C1orf198: variants seen among roughly 807,000 people sequenced by gnomAD.
The protein encoded by C1orf198 is chromosome 1 open reading frame 198.
Under a neutral mutation model 31.4 loss-of-function variants are expected in C1orf198, and 17 were observed. That is an observed-to-expected ratio of 0.54 (90% CI 0.37 to 0.81). C1orf198 has a LOEUF of 0.81. C1orf198 is among the 40% of genes least tolerant of loss of function. The pLI is 0.00. For synonymous variants in C1orf198, 175 were observed against 193.8 expected, an observed-to-expected ratio of 0.90 and a Z score of 0.81; for missense variants, 401 against 450.3, an observed-to-expected ratio of 0.89 and a Z score of 0.99.
intron 1 of C1orf198, among the ~76,000 whole-genome samples, chr1:230,861,957 G>A (rs903581531): frequency 6.6e-6 from 1 of 152,216 alleles, no homozygotes; most frequent in Non-Finnish European, 1.5e-5. Flanking sequence ...TGGCTTGAAG[G>A]TAAGAAATGT....
intron 1 of C1orf198, 121 bp from the exon 2 acceptor site, chr1:230,855,839 A>C: frequency 1.3e-6 from 2 of 1,498,468 alleles, no homozygotes; most frequent in South Asian, 2.9e-5. Flanking sequence ...GGCTCTAAAC[A>C]AGCCTGATGC....
Position 230,843,429 on chromosome 1 carries a change from C to G in C1orf198, c.852G>C (p.Glu284Asp). 1 of 1,586,800 alleles carries G rather than the reference C, an allele frequency of 6.3e-7. No individual in the cohort carries two copies. The highest frequency in any genetic ancestry group is 1.8e-5 in the Admixed American group (1 of 55,488). Reference sequence around the variant, plus strand: ...TGACATCAGGAGATGGCAGCTTCCCCTCGAGCTGGGAGGGGGCAGCCTCGT... The same window carrying G: ...TGACATCAGGAGATGGCAGCTTCCCGTCGAGCTGGGAGGGGGCAGCCTCGT... ...ALHEAAPSQL[E>D]GKLPSPDVRQ... The change falls in exon 3 of 4, where the codon GAG (glutamate) becomes GAC (aspartate). Residue 284 changes from glutamate to aspartate, a missense_variant. Glu to Asp is a conservative substitution (Grantham distance 45, BLOSUM62 2). Transcript: ENST00000366663. The surrounding 1 kb of genome is among the most constrained non-coding windows in gnomAD (Gnocchi z 4.9).
At chr1:230,859,427 A>G (rs562289175) in intron 1 of C1orf198, among the ~76,000 whole-genome samples, 50 of 152,268 alleles carry the variant, frequency 3.3e-4, no homozygotes, top group Non-Finnish European at 6.6e-4. Flanking sequence ...AGGCCACACG[A>G]CAAGAGAGTG....
At chr1:230,845,851 A>T (rs1264930045) in intron 2 of C1orf198, among the ~76,000 whole-genome samples, 1 of 152,186 alleles carries the variant, frequency 6.6e-6, no homozygotes, top group East Asian at 1.9e-4. Flanking sequence ...ATTTCTATGT[A>T]ACCATTTTCA....
intron 2 of C1orf198, among the ~76,000 whole-genome samples, chr1:230,847,627 T>C (rs1468703615): frequency 1.3e-5 from 2 of 152,196 alleles, no homozygotes; most frequent in African/African-American, 2.4e-5. Context: ...TCTTTATGTA[T>C]GTGTGTGATC....
At chr1:230,849,794 T>G (rs1202559) in intron 2 of C1orf198, among the ~76,000 whole-genome samples, 60,966 of 152,056 alleles carry the variant, frequency 0.4, 13,616 homozygotes, top group Middle Eastern at 0.58. Context: ...CTGGAGCAAA[T>G]CCTAATACAT....
chr1:230,850,663 G>A (rs931780072), intron 2 of C1orf198, among the ~76,000 whole-genome samples: 2 of 151,984 alleles, frequency 1.3e-5, no homozygotes, highest in Admixed American at 6.5e-5. Flanking sequence ...AGGAAGGGGT[G>A]AGGCACAGCC....
Position 230,843,817 on chromosome 1 carries a change from A to T in C1orf198, c.464T>A (p.Leu155Gln). 1 of 1,592,412 alleles carries T rather than the reference A, an allele frequency of 6.3e-7. No homozygotes were observed. The change falls in exon 3 of 4, where the codon CTG (leucine) becomes CAG (glutamine). Residue 155 changes from leucine (L) to glutamine (Q), a missense_variant. Transcript: ENST00000366663. This position sits in a 1 kb window ranked among gnomAD's most constrained non-coding sequence, Gnocchi z 4.9. Reference protein sequence around the residue: ...NGTAASEPRPLSKASQGSQAL... With the variant: ...NGTAASEPRPQSKASQGSQAL... ...CTGGGAGCCCTGGGAAGCTTTGGAC[A>T]GTGGTCTGGGCTCGCTGGCGGCGGT...
intron 2 of C1orf198, among the ~76,000 whole-genome samples, chr1:230,850,089 G>A (rs1009086310): frequency 3.9e-5 from 6 of 152,210 alleles, no homozygotes; most frequent in African/African-American, 7.2e-5. Flanking sequence ...TCAAGGTTAA[G>A]GGACAAATAA....
chr1:230,854,575 C>G (rs982125120), intron 2 of C1orf198, among the ~76,000 whole-genome samples: 3 of 152,190 alleles, frequency 2.0e-5, no homozygotes, highest in African/African-American at 7.2e-5. Flanking sequence ...CACCTCTTAA[C>G]TCTAACACTC....
rs56753786 is a variant in C1orf198 at position 230,843,312 on chromosome 1, G to A, written c.927+42C>T. ...GACCCTCTCGGTTCCCGTGGAATAA[G>A]GCACCATCCCATCTGAGGACGCGCT... On this transcript the variant is annotated intron_variant, in intron 3 of 3. Transcript: ENST00000366663. The surrounding 1 kb of genome is among the most constrained non-coding windows in gnomAD (Gnocchi z 4.9). 0.016 allele frequency: 23,949 copies of A among 1,543,654 alleles called. 2,796 individuals carry two copies. The African/African-American group carries it at 0.27, about 17-fold the overall frequency.
rs1450308391 is a variant in C1orf198, at chr1:230,843,996, G to C, written c.385-100C>G. 1 of 1,233,670 alleles carries C rather than the reference G, an allele frequency of 8.1e-7. No homozygotes were observed. Among genetic ancestry groups the C allele is most frequent in the East Asian group, 2.4e-5 (1 of 41,774 alleles). The allele number at this position is 1,233,670 out of a possible 1,614,324, so 76.4% of individuals were successfully genotyped here. A position where few individuals can be genotyped will look rare whatever the true frequency, so the allele number is the denominator to read the frequency against. ...ACGCACCCCTCCTCAGCATAAGGAC[G>C]CACACCAGCCACACACGAGTTGTTG... On this transcript the variant is annotated intron_variant, in intron 2 of 3. Coordinates refer to ENST00000366663, the MANE Select transcript of C1orf198 (RefSeq NM_032800.3). This position sits in a 1 kb window ranked among gnomAD's most constrained non-coding sequence, Gnocchi z 4.9.
chr1:230,855,763 A>G (rs766075180), intron 1 of C1orf198, 45 bp from the exon 2 acceptor site: 1 of 1,608,050 alleles, frequency 6.2e-7, no homozygotes, highest in South Asian at 1.1e-5. Flanking sequence ...AAACCCAGAC[A>G]TACCCCATGC....
At chr1:230,855,842 C>T (rs1669856902) in intron 1 of C1orf198, 124 bp from the exon 2 acceptor site, 1 of 1,497,052 alleles carries the variant, frequency 6.7e-7, no homozygotes, top group Admixed American at 2.2e-5. Context: ...TCTAAACAAG[C>T]CTGATGCTTT....
chr1:230,847,669 G>A (rs1669630152), intron 2 of C1orf198, among the ~76,000 whole-genome samples: 1 of 149,916 alleles, frequency 6.7e-6, no homozygotes, highest in Admixed American at 6.6e-5. Context: ...TTTCTGAGTG[G>A]TGCATTCTGA....
At chr1:230,848,843 T>C (rs16852841) in intron 2 of C1orf198, among the ~76,000 whole-genome samples, 9,172 of 152,142 alleles carry the variant, frequency 0.06, 373 homozygotes, top group South Asian at 0.17. Flanking sequence ...TGCTCAGCTC[T>C]AAAAACTCCA....
chr1:230,861,039 A>G (rs1434971960), intron 1 of C1orf198, among the ~76,000 whole-genome samples: 1 of 152,196 alleles, frequency 6.6e-6, no homozygotes, highest in Non-Finnish European at 1.5e-5. Flanking sequence ...CAGAGACAGT[A>G]AAAAGATCAG....
chr1:230,845,127 G>GA (rs1296653871), intron 2 of C1orf198, among the ~76,000 whole-genome samples: 1 of 151,696 alleles, frequency 6.6e-6, no homozygotes, highest in African/African-American at 2.4e-5. Flanking sequence ...AGCACTTTGG[G>GA]AGGCTAAGGA....
Position 230,839,794 on chromosome 1 carries a change from C to T in C1orf198, c.*58G>A. ...AAAAGGTGGCCCTTTTTATCCTCCT[C>T]CACCACACCACTTTGGAAAACATTT... On this transcript the variant is annotated 3_prime_UTR_variant, in exon 4 of 4. Coordinates refer to ENST00000366663, the MANE Select transcript of C1orf198 (RefSeq NM_032800.3). The T allele has an allele frequency of 6.7e-7, 1 of 1,500,920 alleles. No individual in the cohort carries two copies. The allele number at this position is 1,500,920 out of a possible 1,614,324, so 93.0% of individuals were successfully genotyped here.
Sources: allele counts gnomAD v4.1 joint callset (sites outside exome capture counted in the v4.1 genomes callset), GRCh38; gene constraint gnomAD v4.1.1; non-coding constraint Gnocchi (gnomAD v3.1); transcripts MANE v1.5; gene names NCBI Gene and HGNC (gene_info 2026-07-23, HGNC 2026-07-21).